ITPR1: variants seen among roughly 807,000 people sequenced by gnomAD.
ITPR1 encodes the protein inositol 1,4,5-trisphosphate-gated calcium channel ITPR1.
In ITPR1, 96 loss-of-function variants were observed where a neutral mutation model predicts 318.4. That is an observed-to-expected ratio of 0.30 (90% CI 0.26 to 0.36). The LOEUF is 0.36. Ranked by LOEUF, ITPR1 falls within the 10% of genes least tolerant of loss-of-function variation. The pLI is 1.00. For missense variants in ITPR1, 2,440 were observed against 3,460.2 expected, an observed-to-expected ratio of 0.71 and a Z score of 7.40; for synonymous variants, 1,312 against 1,289.9, an observed-to-expected ratio of 1.02 and a Z score of -0.37.
In ITPR1 at chr3:4,554,610, A is replaced by G. The variant is rs892213966; in HGVS notation, c.163+33516A>G. Among the ~76,000 whole-genome samples, 26 of 152,218 alleles carry G rather than the reference A, an allele frequency of 1.7e-4. 1 individual carries two copies. The East Asian group carries it at 2.5e-3, about 15-fold the overall frequency. On this transcript the variant is annotated intron_variant, in intron 4 of 61. Coordinates refer to ENST00000649015, the MANE Select transcript of ITPR1 (RefSeq NM_001378452.1). Reference sequence around the variant, plus strand: ...GTTGGGAAGGAGTGACAGTGTGGCTACAGGTTACATCAACCCCCTGAGAGA... The same window carrying G: ...GTTGGGAAGGAGTGACAGTGTGGCTGCAGGTTACATCAACCCCCTGAGAGA...
In ITPR1 at chr3:4,521,114, GGAGTAGTCACCTT is replaced by G. The variant is rs1287071697; in HGVS notation, c.163+23_163+35del. On this transcript the variant is annotated intron_variant, in intron 4 of 61. Transcript: ENST00000649015. ...TCAGAGGTAAGGTGGTGGCTTTCCTGGAGTAGTCACCTTGACTCACTTGAAAATTCTTGAAGTG... is the reference window on the plus strand; with the variant it reads ...TCAGAGGTAAGGTGGTGGCTTTCCTGGACTCACTTGAAAATTCTTGAAGTG... 1 of 1,573,860 alleles carries G rather than the reference GGAGTAGTCACCTT, an allele frequency of 6.4e-7. No individual in the cohort carries two copies. The highest frequency in any genetic ancestry group is 1.3e-5 in the African/African-American group (1 of 74,162).
chr3:4,634,939 GGC>G (rs1281292278), intron 5 of ITPR1, among the ~76,000 whole-genome samples: 1 of 152,112 alleles, frequency 6.6e-6, no homozygotes, highest in Non-Finnish European at 1.5e-5. Flanking sequence ...AACGGGGTTT[GGC>G]CATGTTGGCC....
At chr3:4,752,337 G>A (rs188502883) in intron 44 of ITPR1, among the ~76,000 whole-genome samples, 3 of 152,232 alleles carry the variant, frequency 2.0e-5, no homozygotes, top group East Asian at 3.9e-4. Flanking sequence ...CATCCCTCCC[G>A]GGCTGTAGTT....
intron 11 of ITPR1, among the ~76,000 whole-genome samples, chr3:4,652,902 C>A (rs570527214): frequency 1.3e-5 from 2 of 152,180 alleles, no homozygotes; most frequent in South Asian, 4.2e-4. Context: ...GCAGGAGAAT[C>A]GCTTGAACAC....
At chr3:4,728,976 A>G (rs1369435431) in intron 42 of ITPR1, among the ~76,000 whole-genome samples, 1 of 152,166 alleles carries the variant, frequency 6.6e-6, no homozygotes. Flanking sequence ...AGCTTCCTGT[A>G]TCTCCTGCAC....
chr3:4,566,280 G>A (rs77971307), intron 4 of ITPR1, among the ~76,000 whole-genome samples: 11,778 of 152,128 alleles, frequency 0.077, 627 homozygotes, highest in Non-Finnish European at 0.11. Flanking sequence ...CCCTCAACTC[G>A]TGAGTCTGAT....
chr3:4,720,621 G>A lies in ITPR1; in HGVS notation c.5136+3222G>A, dbSNP rs923531373. On this transcript the variant is annotated intron_variant, in intron 40 of 61. Coordinates refer to ENST00000649015, the MANE Select transcript of ITPR1 (RefSeq NM_001378452.1). Reference sequence around the variant, plus strand: ...GAATCACTGCCTCCTTGGAACTGTGGAATCTCTGGAGCCATTGGTGCCAGC... The same window carrying A: ...GAATCACTGCCTCCTTGGAACTGTGAAATCTCTGGAGCCATTGGTGCCAGC... Among the ~76,000 whole-genome samples the A allele has an allele frequency of 9.9e-5, 15 of 152,244 alleles. No individual in the cohort carries two copies. In the South Asian group the frequency reaches 2.9e-3, roughly 29 times the overall value.
intron 4 of ITPR1, among the ~76,000 whole-genome samples, chr3:4,581,697 C>T (rs916035296): frequency 1.4e-4 from 22 of 152,250 alleles, no homozygotes; most frequent in African/African-American, 5.1e-4. Context: ...TAGGGGGAAC[C>T]GTGTTGTTTT....
At chr3:4,594,406 A>C (rs1398640318) in intron 4 of ITPR1, among the ~76,000 whole-genome samples, 2 of 152,100 alleles carry the variant, frequency 1.3e-5, no homozygotes, top group Admixed American at 1.3e-4. Flanking sequence ...CTTGTATGTG[A>C]ATCACTTGTT....
intron 44 of ITPR1, among the ~76,000 whole-genome samples, chr3:4,755,869 C>T (rs1214347019): frequency 6.6e-6 from 1 of 152,162 alleles, no homozygotes; most frequent in Non-Finnish European, 1.5e-5. Flanking sequence ...GAAATGTTGA[C>T]ACCTCTCCAA....
At chr3:4,759,247 G>A (rs1332070810) in intron 44 of ITPR1, among the ~76,000 whole-genome samples, 6 of 152,222 alleles carry the variant, frequency 3.9e-5, no homozygotes, top group African/African-American at 1.2e-4. Context: ...GGGGGAGGAT[G>A]GGGGAGCCAG....
At chr3:4,807,538 G>A (rs17729838) in intron 55 of ITPR1, among the ~76,000 whole-genome samples, 18 of 152,152 alleles carry the variant, frequency 1.2e-4, no homozygotes, top group African/African-American at 3.9e-4. Flanking sequence ...TAGCACTGCC[G>A]AATGATTGCC....
chr3:4,630,561 C>CATTATTATTATTATT (rs71053435), intron 5 of ITPR1, among the ~76,000 whole-genome samples: 3 of 138,718 alleles, frequency 2.2e-5, no homozygotes, highest in African/African-American at 8.0e-5. Context: ...AAATTGTCCG[C>CATTATTATTATTATT]ATTATTATTA....
intron 4 of ITPR1, among the ~76,000 whole-genome samples, chr3:4,545,170 G>T (rs538090115): frequency 8.2e-4 from 125 of 152,298 alleles, no homozygotes; most frequent in African/African-American, 2.9e-3. Context: ...CCCTCGAACA[G>T]ATGAGAGAAA....
chr3:4,567,214 C>G (rs1284866305), intron 4 of ITPR1, among the ~76,000 whole-genome samples: 1 of 152,124 alleles, frequency 6.6e-6, no homozygotes, highest in Non-Finnish European at 1.5e-5. Context: ...CAATTCTTAC[C>G]TGAGTAACAC....
At chr3:4,720,677 A>G (rs1320270023) in intron 40 of ITPR1, among the ~76,000 whole-genome samples, 1 of 152,228 alleles carries the variant, frequency 6.6e-6, no homozygotes, top group Non-Finnish European at 1.5e-5. Context: ...ATTGCAACAA[A>G]AAAGCTAAAT....
intron 4 of ITPR1, among the ~76,000 whole-genome samples, chr3:4,610,713 A>T (rs2092017506): frequency 6.6e-6 from 1 of 152,164 alleles, no homozygotes; most frequent in African/African-American, 2.4e-5. Context: ...TCACAGATCT[A>T]ACTTAGGGCA....
chr3:4,678,053 C>T (rs2094219502), intron 24 of ITPR1, among the ~76,000 whole-genome samples: 1 of 152,006 alleles, frequency 6.6e-6, no homozygotes, highest in African/African-American at 2.4e-5. Flanking sequence ...TCCCATGTTG[C>T]CTGATCTCAA....
chr3:4,739,831 C>G (rs902937160), intron 44 of ITPR1, among the ~76,000 whole-genome samples: 1 of 152,162 alleles, frequency 6.6e-6, no homozygotes, highest in Non-Finnish European at 1.5e-5. Context: ...GAACAGCTTA[C>G]GTGGTCACTC....
Sources: gnomAD v4.1 joint callset for allele counts (sites outside exome capture counted in the v4.1 genomes callset) on GRCh38, gnomAD v4.1.1 for gene constraint, MANE v1.5 for transcripts, NCBI Gene and HGNC (gene_info 2026-07-23, HGNC 2026-07-21) for gene names.